The following TSHZ3 variants were observed in gnomAD, a reference collection of about 807,000 sequenced individuals.
The protein encoded by TSHZ3 is teashirt zinc finger homeobox 3.
Under a neutral mutation model 64.5 loss-of-function variants are expected in TSHZ3, and 10 were observed. The ratio of observed to expected loss-of-function variants is 0.16; its 90% CI spans 0.10 to 0.26. The LOEUF (loss-of-function observed/expected upper bound fraction) is 0.26, where lower values mean the gene tolerates loss of function less well. Among genes scored for constraint, TSHZ3 ranks in the 10% least tolerant of loss-of-function variants. The pLI, the probability that TSHZ3 is intolerant of heterozygous loss-of-function variation, is 1.00. For missense variants in TSHZ3, 1,242 were observed against 1,421.7 expected, an observed-to-expected ratio of 0.87 and a Z score of 2.03; for synonymous variants, 608 against 593.1, an observed-to-expected ratio of 1.03 and a Z score of -0.36.
chr19:31,264,412 C>T (rs900457738), intron 1 of TSHZ3, among the ~76,000 whole-genome samples: 1 of 152,192 alleles, frequency 6.6e-6, no homozygotes, highest in Admixed American at 6.5e-5. Context: ...CCCCATCTGC[C>T]TCCTCCTCCC....
At chr19:31,320,164 A>T (rs1916723078) in intron 1 of TSHZ3, among the ~76,000 whole-genome samples, 1 of 152,158 alleles carries the variant, frequency 6.6e-6, no homozygotes, top group Non-Finnish European at 1.5e-5. Context: ...GTGAACAAGG[A>T]CCCAACTTGA....
chr19:31,329,441 G>C (rs936590059), intron 1 of TSHZ3, among the ~76,000 whole-genome samples: 2 of 152,174 alleles, frequency 1.3e-5, no homozygotes, highest in Admixed American at 1.3e-4. Flanking sequence ...CCTGGCAATG[G>C]GCACGCTCAA....
intron 6 of TSHZ3, among the ~76,000 whole-genome samples, chr19:31,155,612 C>T (rs1345210290): frequency 6.6e-6 from 1 of 152,192 alleles, no homozygotes; most frequent in Non-Finnish European, 1.5e-5. Context: ...TAAATTAGTG[C>T]CCCTTTGTTT....
At chr19:31,342,247 G>C (rs1035985184) in intron 1 of TSHZ3, among the ~76,000 whole-genome samples, 1 of 152,214 alleles carries the variant, frequency 6.6e-6, no homozygotes, top group African/African-American at 2.4e-5. Flanking sequence ...TATTGTTGGG[G>C]TGTATTTTCT....
At chr19:31,288,661 G>C (rs1397583463) in intron 1 of TSHZ3, among the ~76,000 whole-genome samples, 1 of 152,162 alleles carries the variant, frequency 6.6e-6, no homozygotes, top group Non-Finnish European at 1.5e-5. Flanking sequence ...TCCCACCTCA[G>C]CCTCCCTAGT....
chr19:31,313,897 G>C (rs1916530685), intron 1 of TSHZ3, among the ~76,000 whole-genome samples: 1 of 152,186 alleles, frequency 6.6e-6, no homozygotes, highest in Non-Finnish European at 1.5e-5. Flanking sequence ...CACTTACCAG[G>C]CTGCAACCTG....
At chr19:31,244,894 T>C (rs1316039732) in intron 1 of TSHZ3, among the ~76,000 whole-genome samples, 3 of 152,200 alleles carry the variant, frequency 2.0e-5, no homozygotes, top group Admixed American at 6.5e-5. Flanking sequence ...TCTGCCCACC[T>C]CAGCCTCCCA....
intron 1 of TSHZ3, among the ~76,000 whole-genome samples, chr19:31,306,776 G>A (rs1442385426): frequency 6.6e-6 from 1 of 152,172 alleles, no homozygotes; most frequent in Non-Finnish European, 1.5e-5. Flanking sequence ...AAAAATGGAG[G>A]TAGGAAGAAA....
At chr19:31,216,796 G>A (rs1212257831) in intron 4 of TSHZ3, among the ~76,000 whole-genome samples, 1 of 151,832 alleles carries the variant, frequency 6.6e-6, no homozygotes, top group Non-Finnish European at 1.5e-5. Flanking sequence ...CACCACGCCT[G>A]GCCAATTTTT....
chr19:31,336,049 T>G lies in TSHZ3; in HGVS notation c.40+13131A>C, dbSNP rs1283264294. On this transcript the variant is annotated intron_variant, in intron 1 of 1. Coordinates refer to ENST00000240587, the MANE Select transcript of TSHZ3 (RefSeq NM_020856.4). ...TTTCATGAATTCTAATATTCAAGCC[T>G]TTTTTCCTCCTGCTAATTTTAGAAG... Among the ~76,000 whole-genome samples, 5 of 152,224 alleles carry G rather than the reference T, an allele frequency of 3.3e-5. No individual in the cohort carries two copies. The East Asian group carries it at 9.6e-4, about 29-fold the overall frequency.
intron 1 of TSHZ3, among the ~76,000 whole-genome samples, chr19:31,332,243 T>C (rs113775244): frequency 1.3e-5 from 2 of 152,186 alleles, no homozygotes; most frequent in South Asian, 4.1e-4. Flanking sequence ...TGTTTAGTAA[T>C]TGATTACAGA....
chr19:31,226,373 G>A (rs1975461548), intron 4 of TSHZ3, among the ~76,000 whole-genome samples: 1 of 152,170 alleles, frequency 6.6e-6, no homozygotes, highest in Non-Finnish European at 1.5e-5. Flanking sequence ...TCTCATGGTA[G>A]TGAACAAGTC....
chr19:31,246,169 C>G (rs574025994), intron 1 of TSHZ3, among the ~76,000 whole-genome samples: 2 of 152,204 alleles, frequency 1.3e-5, no homozygotes, highest in East Asian at 3.9e-4. Context: ...AGAATATACA[C>G]TATCAAATCA....
chr19:31,249,144 G>A (rs1975799090), intron 1 of TSHZ3, among the ~76,000 whole-genome samples: 1 of 152,060 alleles, frequency 6.6e-6, no homozygotes, highest in Middle Eastern at 3.2e-3. Context: ...AGTGGGTGAG[G>A]AGCCTCTGCC....
At chr19:31,258,426 G>T (rs1258244601) in intron 1 of TSHZ3, among the ~76,000 whole-genome samples, 1 of 152,142 alleles carries the variant, frequency 6.6e-6, no homozygotes, top group Non-Finnish European at 1.5e-5. Flanking sequence ...GCAAACCCTT[G>T]CTCCAAGTCC....
intron 1 of TSHZ3, among the ~76,000 whole-genome samples, chr19:31,287,221 C>A (rs559259938): frequency 1.3e-5 from 2 of 152,166 alleles, no homozygotes; most frequent in East Asian, 1.9e-4. Context: ...CTCCCCAATG[C>A]AATTTCCAAG....
intron 5 of TSHZ3, among the ~76,000 whole-genome samples, chr19:31,185,586 T>C (rs577189671): frequency 2.6e-5 from 4 of 152,310 alleles, no homozygotes; most frequent in African/African-American, 4.8e-5. Context: ...GGCAAGGCCA[T>C]TGTGTGTCTA....
At chr19:31,337,013 A>AT (rs57786560) in intron 1 of TSHZ3, among the ~76,000 whole-genome samples, 5,711 of 131,396 alleles carry the variant, frequency 0.043, 152 homozygotes, top group East Asian at 0.16. Flanking sequence ...CTTTTTTTCT[A>AT]TTTTTTTTTT....
intron 1 of TSHZ3, among the ~76,000 whole-genome samples, chr19:31,288,793 G>A (rs559662792): frequency 1.3e-5 from 2 of 152,218 alleles, no homozygotes; most frequent in African/African-American, 2.4e-5. Flanking sequence ...CTCCAGCGTC[G>A]GCCTCCCAAA....
Sources: allele counts gnomAD v4.1 joint callset (sites outside exome capture counted in the v4.1 genomes callset), GRCh38; gene constraint gnomAD v4.1.1; transcripts MANE v1.5; gene names NCBI Gene and HGNC (gene_info 2026-07-23, HGNC 2026-07-21).